The following WNK1 variants were observed in gnomAD, a reference collection of about 807,000 sequenced individuals.
WNK1 encodes WNK lysine deficient protein kinase 1, also known as serine/threonine-protein kinase WNK1.
WNK1 carries 38 observed loss-of-function variants against 222.8 expected under a neutral mutation model. That is an observed-to-expected ratio of 0.17 (90% CI 0.13 to 0.22). The LOEUF (loss-of-function observed/expected upper bound fraction) is 0.22. WNK1 is among the 10% of genes least tolerant of loss of function. WNK1 has a pLI of 1.00. For synonymous variants in WNK1, 1,090 were observed against 1,092.9 expected (o/e 1.00, Z 0.05); for missense variants, 2,348 against 2,918.4 (o/e 0.80, Z 4.50).
At position 753,546 on chromosome 12, in the gene WNK1, C is replaced by G; in HGVS notation, c.-20C>G. On this transcript the variant is annotated 5_prime_UTR_variant, in exon 1 of 28. Coordinates refer to ENST00000315939, the MANE Select transcript of WNK1 (RefSeq NM_018979.4). This position sits in a 1 kb window ranked among gnomAD's most constrained non-coding sequence, Gnocchi z 5.2. The stretch of plus-strand genomic sequence containing the variant: ...CGTTCACGAATCCGAGCCCGCTCGC[C>G]TCTCTCCAGCGAACCGACCATGTCT... 5 of 1,611,826 alleles carry G rather than the reference C, an allele frequency of 3.1e-6. No homozygotes were observed. The highest frequency in any genetic ancestry group is 4.2e-6 in the Non-Finnish European group (5 of 1,179,856).
chr12:873,888 A>G (rs900054723), intron 9 of WNK1, among the ~76,000 whole-genome samples: 6 of 152,078 alleles, frequency 3.9e-5, no homozygotes, highest in Admixed American at 3.9e-4. Flanking sequence ...GCGTTTCTTG[A>G]ACATAGTAAA....
At chr12:835,304 C>T (rs1484610172) in intron 4 of WNK1, among the ~76,000 whole-genome samples, 1 of 152,006 alleles carries the variant, frequency 6.6e-6, no homozygotes, top group Non-Finnish European at 1.5e-5. Context: ...TGCCATTGCA[C>T]TCGAGCCTGG....
At chr12:903,486 T>G (rs1955444237) in intron 26 of WNK1, among the ~76,000 whole-genome samples, 1 of 152,154 alleles carries the variant, frequency 6.6e-6, no homozygotes, top group African/African-American at 2.4e-5. Flanking sequence ...GCCTATGGTC[T>G]ACAGCCTGAA....
chr12:880,831 G>A lies in WNK1; in HGVS notation c.2943G>A (p.Pro981=), dbSNP rs72650706. The change falls in exon 12 of 28, where the codon CCG becomes CCA. Residue 981 remains proline, a synonymous_variant. Coordinates refer to ENST00000315939, the MANE Select transcript of WNK1 (RefSeq NM_018979.4). ...CTACAGTCCTATCCCCTCCCATGCCGACAGAAGTACTGGCTACACCTGGGT... is the reference window on the plus strand; with the variant it reads ...CTACAGTCCTATCCCCTCCCATGCCAACAGAAGTACTGGCTACACCTGGGT... ...IHSTVLSPPM[P]TEVLATPGYF... is the part of the protein sequence containing the mutation. 40 of 1,613,960 alleles carry A rather than the reference G, an allele frequency of 2.5e-5. No individual in the cohort carries two copies. The highest frequency in any genetic ancestry group is 3.2e-5 in the Non-Finnish European group (38 of 1,180,008).
intron 1 of WNK1, among the ~76,000 whole-genome samples, chr12:806,895 A>G (rs1946411498): frequency 6.6e-6 from 1 of 152,218 alleles, no homozygotes; most frequent in Non-Finnish European, 1.5e-5. Flanking sequence ...TCAATATCGT[A>G]TATTCTCAAT....
intron 2 of WNK1, among the ~76,000 whole-genome samples, chr12:820,466 G>GTT (rs3072715): frequency 3.3e-4 from 29 of 89,150 alleles, no homozygotes; most frequent in African/African-American, 5.6e-4. Flanking sequence ...ATTCTTTGGG[G>GTT]TTTTTTTTTT....
In WNK1 at chr12:868,178, G is replaced by A. The variant is rs1565547940; in HGVS notation, c.2140-3087G>A. The A allele has an allele frequency of 1.9e-6, 3 of 1,613,936 alleles. No homozygotes were observed. Among genetic ancestry groups the A allele is most frequent in the Non-Finnish European group, 2.5e-6 (3 of 1,179,848 alleles). On this transcript the variant is annotated intron_variant, in intron 8 of 27. Transcript: ENST00000315939. ...AACTGGAGAGTCATGTGAGATACAG[G>A]TCCATCCTATGTTTGAACCATCTCA...
chr12:826,564 G>T (rs1948378520), intron 2 of WNK1, among the ~76,000 whole-genome samples: 1 of 152,048 alleles, frequency 6.6e-6, no homozygotes, highest in South Asian at 2.1e-4. Flanking sequence ...GTATATTTTT[G>T]ACTAGAGTTT....
intron 26 of WNK1, among the ~76,000 whole-genome samples, chr12:906,135 C>T (rs1955678650): frequency 6.6e-6 from 1 of 152,162 alleles, no homozygotes; most frequent in Admixed American, 6.5e-5. Context: ...AACGCATGCA[C>T]TTACTTACCC....
At chr12:839,536 C>A (rs1427184329) in intron 4 of WNK1, among the ~76,000 whole-genome samples, 4 of 152,098 alleles carry the variant, frequency 2.6e-5, no homozygotes, top group Admixed American at 2.6e-4. Context: ...TAGATTTGAG[C>A]TAACCTCATT....
intron 1 of WNK1, among the ~76,000 whole-genome samples, chr12:765,956 A>G (rs1941644862): frequency 6.6e-6 from 1 of 152,324 alleles, no homozygotes; most frequent in African/African-American, 2.4e-5. Context: ...TATCACATAC[A>G]TGCAGAATTA....
intron 1 of WNK1, among the ~76,000 whole-genome samples, chr12:765,786 AAAT>A (rs1410757587): frequency 1.3e-5 from 2 of 152,210 alleles, no homozygotes; most frequent in African/African-American, 4.8e-5. Flanking sequence ...TTAAAAATAA[AAAT>A]AATAACTTTA....
intron 1 of WNK1, among the ~76,000 whole-genome samples, chr12:788,898 A>G (rs1397448178): frequency 6.6e-6 from 1 of 151,472 alleles, no homozygotes; most frequent in African/African-American, 2.4e-5. Context: ...GGGGGGAAAA[A>G]GAAAGGTAAG....
chr12:819,752 G>A (rs11503140), intron 2 of WNK1, among the ~76,000 whole-genome samples: 8,058 of 152,124 alleles, frequency 0.053, 410 homozygotes, highest in African/African-American at 0.11. Context: ...TGTGTATGCC[G>A]TGAGGTAGGG....
chr12:848,496 C>CTTTTTTTTTTTTTTTTTTTTTTTTTTT (rs10644583), intron 4 of WNK1, among the ~76,000 whole-genome samples: 1 of 99,258 alleles, frequency 1.0e-5, no homozygotes, highest in Non-Finnish European at 1.9e-5. Flanking sequence ...CCAGTAAAAA[C>CTTTTTTTTTTTTTTTTTTTTTTTTTTT]TTTTTTTTTT....
chr12:855,357 G>A (rs920254471), intron 4 of WNK1, among the ~76,000 whole-genome samples: 1 of 152,182 alleles, frequency 6.6e-6, no homozygotes, highest in Non-Finnish European at 1.5e-5. Flanking sequence ...GCTGTGAAAA[G>A]TTAGCCCTGC....
At chr12:907,140 G>A (rs988283191) in intron 26 of WNK1, among the ~76,000 whole-genome samples, 1 of 151,298 alleles carries the variant, frequency 6.6e-6, no homozygotes, top group African/African-American at 2.4e-5. Context: ...TGGCCAACAC[G>A]GCAAAACCCT....
intron 1 of WNK1, among the ~76,000 whole-genome samples, chr12:797,567 C>T (rs183027989): frequency 1.3e-5 from 2 of 152,190 alleles, no homozygotes; most frequent in East Asian, 3.9e-4. Flanking sequence ...CTACCTATGC[C>T]ATACTTTTAT....
chr12:879,719 T>C lies in WNK1; in HGVS notation c.2520T>C (p.Pro840=). 1 of 1,614,066 alleles carries C rather than the reference T, an allele frequency of 6.2e-7. No homozygotes were observed. Among genetic ancestry groups the C allele is most frequent in the Non-Finnish European group, 8.5e-7 (1 of 1,179,998 alleles). Residue 840 remains proline, a synonymous_variant, in exon 11 of 28, where the codon CCT becomes CCC. Coordinates refer to ENST00000315939, the MANE Select transcript of WNK1 (RefSeq NM_018979.4). ...CTACTCCCTTGCTCCCTCAGTACCC[T>C]GTCTCTCAGATTCCCATATCAACTC... ...PLPTPLLPQY[P]VSQIPISTPH...
Sources: allele counts gnomAD v4.1 joint callset (sites outside exome capture counted in the v4.1 genomes callset), GRCh38; gene constraint gnomAD v4.1.1; non-coding constraint Gnocchi (gnomAD v3.1); transcripts MANE v1.5; gene names NCBI Gene and HGNC (gene_info 2026-07-23, HGNC 2026-07-21).